HERC2: variants seen among roughly 807,000 people sequenced by gnomAD.
HERC2 encodes the protein HECT and RLD domain containing E3 ubiquitin protein ligase 2.
Under a neutral mutation model 537.7 loss-of-function variants are expected in HERC2, and 102 were observed. The observed-to-expected ratio is 0.19, with a 90% confidence interval of 0.16 to 0.22. The LOEUF is 0.22. Among genes scored for constraint, HERC2 ranks in the 10% least tolerant of loss-of-function variants. HERC2 has a pLI of 1.00. For missense variants in HERC2, 4,236 were observed against 6,198.2 expected (o/e 0.68, Z 10.63); for synonymous variants, 2,224 against 2,466.2 (o/e 0.90, Z 2.91).
At chr15:28,208,960 T>C (rs1383604539) in intron 44 of HERC2, among the ~76,000 whole-genome samples, 2 of 152,212 alleles carry the variant, frequency 1.3e-5, no homozygotes, top group African/African-American at 4.8e-5. Flanking sequence ...CTTAGCATAA[T>C]GTCTTTCAAT....
rs549317335 is a variant in HERC2 at position 28,121,336 on chromosome 15, C to T, written c.13272+10G>A. Reference sequence around the variant, plus strand: ...GCTGTCAGACTTGGAGAGTAATCTCCATGTGCTACCTGGATGCGGTTCAGC... The same window carrying T: ...GCTGTCAGACTTGGAGAGTAATCTCTATGTGCTACCTGGATGCGGTTCAGC... On this transcript the variant is annotated intron_variant, in intron 86 of 92. Transcript: ENST00000261609. The T allele has an allele frequency of 1.6e-5, 25 of 1,612,760 alleles. No individual in the cohort carries two copies. The South Asian group carries it at 2.6e-4, about 17-fold the overall frequency.
At chr15:28,262,831 C>G in intron 15 of HERC2, 87 bp downstream of exon 15, 1 of 1,351,438 alleles carries the variant, frequency 7.4e-7, no homozygotes, top group Non-Finnish European at 1.0e-6. Context: ...CATGGAATGT[C>G]AGGTTAAGAA....
rs958410004 is a variant in HERC2 at position 28,269,386 on chromosome 15, A to G, written c.1308T>C (p.Tyr436=). 1 of 1,614,238 alleles carries G rather than the reference A, an allele frequency of 6.2e-7. No individual in the cohort carries two copies. The highest frequency in any genetic ancestry group is 8.5e-7 in the Non-Finnish European group (1 of 1,180,046). ...ACTGGATTGGACCAATCACATTGGC[A>G]TAGTATTTCCATCCTATTAACCCCC... The part of the protein sequence containing the change: ...IGWGLIGWKY[Y]ANVIGPIQCE... The change falls in exon 11 of 93, where the codon TAT becomes TAC. Residue 436 remains tyrosine (Y), a synonymous_variant. Transcript: ENST00000261609.
chr15:28,253,956 C>T (rs867913098), intron 20 of HERC2, among the ~76,000 whole-genome samples: 4 of 150,016 alleles, frequency 2.7e-5, no homozygotes, highest in South Asian at 2.1e-4. Flanking sequence ...AGCGAGATTC[C>T]GTCTTAAAAA....
At chr15:28,196,102 A>G (rs1022209771) in intron 52 of HERC2, 113 bp downstream of exon 52, 8 of 969,098 alleles carry the variant, frequency 8.3e-6, no homozygotes, top group Non-Finnish European at 1.2e-5. Context: ...CTCACTCTAC[A>G]GAATTACTGT....
intron 38 of HERC2, among the ~76,000 whole-genome samples, chr15:28,217,411 C>T (rs1900048184): frequency 1.3e-5 from 2 of 152,144 alleles, no homozygotes. Context: ...GCCCATCGAC[C>T]GCTAACACAC....
In HERC2 at chr15:28,210,418, G is replaced by T. The variant is rs193112195; in HGVS notation, c.7069+584C>A. Among the ~76,000 whole-genome samples the T allele has an allele frequency of 6.5e-4, 99 of 152,352 alleles. 1 individual carries two copies. The highest frequency in any genetic ancestry group is 2.3e-3 in the African/African-American group (96 of 41,588). Reference sequence around the variant, plus strand: ...CCCAAAGTGCAGGGATTACAGGCATGAGCCATTGTGCCCGGCTGGTGAATA... The same window carrying T: ...CCCAAAGTGCAGGGATTACAGGCATTAGCCATTGTGCCCGGCTGGTGAATA... On this transcript the variant is annotated intron_variant, in intron 44 of 92. Transcript: ENST00000261609.
rs1891316618 is a variant in HERC2 at position 28,142,410 on chromosome 15, T to C, written c.11545-17A>G. The stretch of plus-strand genomic sequence containing the variant: ...TACCAGTACCTGCAGGCACCAAAAA[T>C]GACAAACTCAGGGAAACTCAGAAAT... On this transcript the variant is annotated splice_polypyrimidine_tract_variant and intron_variant, in intron 75 of 92. Coordinates refer to ENST00000261609, the MANE Select transcript of HERC2 (RefSeq NM_004667.6). The C allele has an allele frequency of 6.2e-7, 1 of 1,608,716 alleles. No homozygotes were observed. The highest frequency in any genetic ancestry group is 8.5e-7 in the Non-Finnish European group (1 of 1,177,320).
intron 59 of HERC2, among the ~76,000 whole-genome samples, 177 bp downstream of exon 59, chr15:28,178,710 C>T (rs1200871633): frequency 6.6e-6 from 1 of 152,214 alleles, no homozygotes; most frequent in Non-Finnish European, 1.5e-5. Context: ...AGGCAAAGAA[C>T]TTGATTTAGC....
intron 28 of HERC2, 24 bp from the exon 29 acceptor site, chr15:28,233,585 G>A: frequency 1.2e-6 from 2 of 1,613,742 alleles, no homozygotes; most frequent in Non-Finnish European, 8.5e-7. Context: ...TTTAAAAGAA[G>A]GGCAGGGATG....
At chr15:28,249,846 G>A (rs1215582267) in intron 20 of HERC2, among the ~76,000 whole-genome samples, 3 of 150,596 alleles carry the variant, frequency 2.0e-5, no homozygotes, top group Admixed American at 6.6e-5. Flanking sequence ...AGTGGAGACG[G>A]GCTTTCACTA....
intron 52 of HERC2, among the ~76,000 whole-genome samples, chr15:28,194,060 C>T (rs1177871581): frequency 1.3e-5 from 2 of 150,224 alleles, no homozygotes; most frequent in Admixed American, 6.6e-5. Flanking sequence ...ATTGTTTGAT[C>T]CTTTGACCTT....
At chr15:28,278,262 A>G (rs1050089878) in intron 5 of HERC2, among the ~76,000 whole-genome samples, 24 of 152,256 alleles carry the variant, frequency 1.6e-4, no homozygotes, top group African/African-American at 5.8e-4. Context: ...ACACGCCTGC[A>G]GTCCCAGCTA....
intron 10 of HERC2, among the ~76,000 whole-genome samples, 192 bp from the exon 11 acceptor site, chr15:28,269,628 AT>A (rs2075664718): frequency 6.6e-6 from 1 of 152,228 alleles, no homozygotes; most frequent in Admixed American, 6.5e-5. Context: ...TGAACAGGTT[AT>A]TTTTCCATTT....
intron 4 of HERC2, among the ~76,000 whole-genome samples, chr15:28,291,119 T>C (rs2076298871): frequency 6.6e-6 from 1 of 152,210 alleles, no homozygotes; most frequent in Admixed American, 6.5e-5. Flanking sequence ...GGATAACAGG[T>C]AGTACATGCT....
intron 56 of HERC2, 47 bp from the exon 57 acceptor site, chr15:28,182,559 G>T: frequency 7.4e-7 from 1 of 1,345,848 alleles, no homozygotes; most frequent in Non-Finnish European, 1.0e-6. Flanking sequence ...AGGTTATTCA[G>T]CATAAAACAT....
In HERC2 at chr15:28,274,366, T is replaced by C; in HGVS notation, c.725A>G (p.Asp242Gly). The C allele has an allele frequency of 6.2e-7, 1 of 1,614,136 alleles. No individual in the cohort carries two copies. The highest frequency in any genetic ancestry group is 8.5e-7 in the Non-Finnish European group (1 of 1,180,000). The change falls in exon 7 of 93, where the codon GAC becomes GGC. Residue 242 changes from aspartate to glycine, a missense_variant. Asp to Gly is a moderately conservative substitution (Grantham distance 94). Transcript: ENST00000261609. ...CCACACAGAGGACACGGTGCTCTCGTCAAAGAGCGAGGCCTCGGGAAGTGC... is the reference window on the plus strand; with the variant it reads ...CCACACAGAGGACACGGTGCTCTCGCCAAAGAGCGAGGCCTCGGGAAGTGC... The part of the protein sequence containing the change: ...LRALPEASLF[D>G]ESTVSSVWLE...
At chr15:28,273,716 T>C (rs1433233576) in intron 7 of HERC2, among the ~76,000 whole-genome samples, 1 of 152,112 alleles carries the variant, frequency 6.6e-6, no homozygotes, top group Non-Finnish European at 1.5e-5. Context: ...GCAAGGAGAG[T>C]GAGGAGTGGC....
chr15:28,228,791 T>C (rs992666819), intron 34 of HERC2, among the ~76,000 whole-genome samples: 3 of 152,250 alleles, frequency 2.0e-5, no homozygotes, highest in South Asian at 2.1e-4. Context: ...GGACTTAGCA[T>C]GTTGCTCTCT....
Sources: allele counts gnomAD v4.1 joint callset (sites outside exome capture counted in the v4.1 genomes callset), GRCh38; gene constraint gnomAD v4.1.1; transcripts MANE v1.5; gene names NCBI Gene and HGNC (gene_info 2026-07-23, HGNC 2026-07-21).